NAA60: variants seen among roughly 807,000 people sequenced by gnomAD.
NAA60 encodes N-alpha-acetyltransferase 60.
A neutral mutation model predicts 26.1 loss-of-function variants in NAA60; 8 were observed. That is an observed-to-expected ratio of 0.31 (90% confidence interval 0.18 to 0.55). NAA60 has a LOEUF of 0.55. Among genes scored for constraint, NAA60 ranks in the 20% least tolerant of loss-of-function variants. The pLI is 0.93. For missense variants in NAA60, 290 were observed against 311.3 expected (o/e 0.93, Z 0.51); for synonymous variants, 131 against 122.5 (o/e 1.07, Z -0.46).
intron 2 of NAA60, among the ~76,000 whole-genome samples, chr16:3,464,121 C>T (rs2035590596): frequency 6.6e-6 from 1 of 152,150 alleles, no homozygotes; most frequent in Admixed American, 6.5e-5. Context: ...GCACCCTCCG[C>T]CTCCTGGGTT....
chr16:3,464,700 C>T (rs1276011620), intron 2 of NAA60, among the ~76,000 whole-genome samples: 1 of 152,174 alleles, frequency 6.6e-6, no homozygotes, highest in East Asian at 1.9e-4. Flanking sequence ...GCCCCCAAAC[C>T]TGGTATTATT....
At chr16:3,461,068 A>T (rs560526453) in intron 2 of NAA60, among the ~76,000 whole-genome samples, 2 of 151,976 alleles carry the variant, frequency 1.3e-5, no homozygotes, top group African/African-American at 2.4e-5. Flanking sequence ...CAGGCTCTAT[A>T]TCATTCTTTT....
intron 2 of NAA60, among the ~76,000 whole-genome samples, chr16:3,461,486 CTCTA>C (rs1165029505): frequency 1.3e-5 from 2 of 152,228 alleles, no homozygotes; most frequent in African/African-American, 4.8e-5. Context: ...GATTCCCCAT[CTCTA>C]TCTCAGCCAG....
chr16:3,462,741 A>G (rs2035492661), intron 2 of NAA60: 1 of 152,162 alleles, frequency 6.6e-6, no homozygotes, highest in Non-Finnish European at 1.5e-5. Context: ...AGAAACCACT[A>G]ATAGTAATTA....
Position 3,479,483 on chromosome 16 carries a change from A to G in NAA60, c.123A>G (p.Ser41=), listed in dbSNP as rs550926306. The G allele has an allele frequency of 1.9e-6, 3 of 1,613,998 alleles. No individual in the cohort carries two copies. The highest frequency in any genetic ancestry group is 2.2e-5 in the South Asian group (2 of 91,084). ...TTCTGTTTCTCAGGTACCCAGACTC[A>G]TGGTATCGTGATATCACATCCAACA... ...GDWFPIEYPD[S]WYRDITSNKK... is the part of the protein sequence containing the mutation. The change falls in exon 4 of 8, where the codon TCA becomes TCG. Residue 41 remains serine (S), a synonymous_variant. Transcript: ENST00000407558.
At chr16:3,449,621 G>T (rs1345868447) in intron 2 of NAA60, among the ~76,000 whole-genome samples, 1 of 152,164 alleles carries the variant, frequency 6.6e-6, no homozygotes, top group Non-Finnish European at 1.5e-5. Context: ...GGAAATGGAG[G>T]TTGCAGTGAG....
At chr16:3,471,963 G>T (rs1356978932) in intron 2 of NAA60, among the ~76,000 whole-genome samples, 1 of 152,180 alleles carries the variant, frequency 6.6e-6, no homozygotes, top group Admixed American at 6.5e-5. Flanking sequence ...CTTTGTCCCA[G>T]AGTTTCAAAG....
chr16:3,468,172 A>G (rs999018388), intron 2 of NAA60: 2 of 152,220 alleles, frequency 1.3e-5, no homozygotes, highest in Admixed American at 6.5e-5. Flanking sequence ...TGAAATTACA[A>G]AGTTGCACTC....
At chr16:3,452,891 A>T (rs1422597839) in intron 2 of NAA60, among the ~76,000 whole-genome samples, 2 of 152,032 alleles carry the variant, frequency 1.3e-5, no homozygotes, top group African/African-American at 4.8e-5. Flanking sequence ...GGAGGTCGAC[A>T]CTGCAGTAAG....
At chr16:3,458,029 A>AGTGCCGCGGGCTGCCGCCT in intron 2 of NAA60, 1 of 985,282 alleles carries the variant, frequency 1.0e-6, no homozygotes, top group Non-Finnish European at 1.2e-6. Context: ...GGGAGGCGGA[A>AGTGCCGCGGGCTGCCGCCT]GTGCCGCGGG....
At chr16:3,477,699 G>C (rs142671272) in intron 3 of NAA60, among the ~76,000 whole-genome samples, 1 of 151,666 alleles carries the variant, frequency 6.6e-6, no homozygotes, top group East Asian at 2.0e-4. Flanking sequence ...CACTTTGGGA[G>C]GCCAAGGCAG....
intron 2 of NAA60, among the ~76,000 whole-genome samples, chr16:3,464,120 G>A (rs895326947): frequency 2.0e-5 from 3 of 152,064 alleles, no homozygotes; most frequent in South Asian, 2.1e-4. Context: ...TGCACCCTCC[G>A]CCTCCTGGGT....
Position 3,485,080 on chromosome 16 carries a change from A to T in NAA60, c.*206+19A>T. 7.3e-7 allele frequency: 1 copy of T among 1,376,268 alleles called. No individual in the cohort carries two copies. Among genetic ancestry groups the T allele is most frequent in the Non-Finnish European group, 1.0e-6 (1 of 1,002,786 alleles). 85.3% of individuals were successfully genotyped at this position (1,376,268 alleles called of 1,614,324 possible). A position where few individuals can be genotyped will look rare whatever the true frequency, so the allele number is the denominator to read the frequency against. The stretch of plus-strand genomic sequence containing the variant: ...GTGGCAGGTACGCCACAGCAGACAC[A>T]AAGGTATGGGAGCTTGGTGCCTCCA... On this transcript the variant is annotated intron_variant, in intron 7 of 7. Coordinates refer to ENST00000407558, the MANE Select transcript of NAA60 (RefSeq NM_001083601.3).
rs2036180951 is a variant in NAA60 at position 3,472,028 on chromosome 16, G to T, written c.-6-4194G>T. Reference sequence around the variant, plus strand: ...TTTTCTTAGCCCTTAGGGGAAAGGGGGTGGGAGCCTGCCCTCAGCTGGCTT... The same window carrying T: ...TTTTCTTAGCCCTTAGGGGAAAGGGTGTGGGAGCCTGCCCTCAGCTGGCTT... On this transcript the variant is annotated intron_variant, in intron 2 of 7. Transcript: ENST00000407558. 3.3e-5 allele frequency: 5 copies of T among 152,246 alleles called. 1 individual carries two copies. Among genetic ancestry groups the T allele is most frequent in the Admixed American group, 1.3e-4 (2 of 15,268 alleles). The allele number at this position is 152,246 out of a possible 1,614,324, so 9.4% of individuals were successfully genotyped here.
chr16:3,457,771 G>T (rs1449698080), intron 2 of NAA60, among the ~76,000 whole-genome samples: 2 of 152,194 alleles, frequency 1.3e-5, no homozygotes, highest in African/African-American at 4.8e-5. Flanking sequence ...ACCGGCGTCC[G>T]CACACGCTAG....
At chr16:3,483,727 C>T in intron 6 of NAA60, 130 bp downstream of exon 6, 1 of 705,568 alleles carries the variant, frequency 1.4e-6, no homozygotes. Flanking sequence ...TGCTTCTCTC[C>T]CTTACCTGAT....
At chr16:3,471,038 C>T (rs1050659439) in intron 2 of NAA60, among the ~76,000 whole-genome samples, 4 of 152,158 alleles carry the variant, frequency 2.6e-5, no homozygotes, top group East Asian at 1.9e-4. Context: ...TTTGAAAATC[C>T]GCAGATCGTT....
intron 2 of NAA60, among the ~76,000 whole-genome samples, chr16:3,452,675 G>A (rs2034831378): frequency 6.6e-6 from 1 of 151,204 alleles, no homozygotes; most frequent in Non-Finnish European, 1.5e-5. Context: ...AAGAATGCTT[G>A]GTTGAGCATG....
chr16:3,471,636 G>A lies in NAA60; in HGVS notation c.-6-4586G>A, dbSNP rs552414302. 2.6e-5 allele frequency among the ~76,000 whole-genome samples: 4 copies of A among 152,300 alleles called. No individual in the cohort carries two copies. The South Asian group carries it at 8.3e-4, about 32-fold the overall frequency. On this transcript the variant is annotated intron_variant, in intron 2 of 7. Coordinates refer to ENST00000407558, the MANE Select transcript of NAA60 (RefSeq NM_001083601.3). ...GTCCAGCTCTCAGGTGGTTCTCCCT[G>A]TGGCCTCCAGACCCGGGCTGTACCG...
Sources: gnomAD v4.1 joint callset for allele counts (sites outside exome capture counted in the v4.1 genomes callset) on GRCh38, gnomAD v4.1.1 for gene constraint, MANE v1.5 for transcripts, NCBI Gene and HGNC (gene_info 2026-07-23, HGNC 2026-07-21) for gene names.